The following RGS7 variants were observed in gnomAD, a reference collection of about 807,000 sequenced individuals.
RGS7 encodes the protein regulator of G-protein signaling 7.
Under a neutral mutation model 81.1 loss-of-function variants are expected in RGS7, and 27 were observed. The ratio of observed to expected loss-of-function variants is 0.33; its 90% CI spans 0.25 to 0.46. The LOEUF (loss-of-function observed/expected upper bound fraction) is 0.46, where lower values mean the gene tolerates loss of function less well. Ranked by LOEUF, RGS7 falls within the 20% of genes least tolerant of loss-of-function variation. The pLI is 1.00. For synonymous variants in RGS7, 208 were observed against 207.7 expected (o/e 1.00, Z -0.01); for missense variants, 396 against 607.4 (o/e 0.65, Z 3.66).
intron 2 of RGS7, among the ~76,000 whole-genome samples, chr1:241,303,421 G>A (rs981239426): frequency 2.0e-5 from 3 of 152,152 alleles, no homozygotes; most frequent in Non-Finnish European, 2.9e-5. Flanking sequence ...GCAGAACTGT[G>A]AGTCAATTAA....
chr1:240,996,030 T>C (rs978239900), intron 3 of RGS7, among the ~76,000 whole-genome samples: 1 of 151,808 alleles, frequency 6.6e-6, no homozygotes, highest in Non-Finnish European at 1.5e-5. Context: ...TTTTTTTTTA[T>C]TTTCCAGAAG....
chr1:240,809,714 C>T (rs1689511606), intron 14 of RGS7, among the ~76,000 whole-genome samples: 1 of 152,058 alleles, frequency 6.6e-6, no homozygotes, highest in Non-Finnish European at 1.5e-5. Flanking sequence ...TAACAGCATA[C>T]TTATAAAAGT....
chr1:241,047,650 A>G (rs555881063), intron 3 of RGS7, among the ~76,000 whole-genome samples: 1 of 152,170 alleles, frequency 6.6e-6, no homozygotes, highest in Non-Finnish European at 1.5e-5. Flanking sequence ...CCTATCAGCA[A>G]GTAAACACGA....
At chr1:241,339,308 T>C (rs976989540) in intron 2 of RGS7, among the ~76,000 whole-genome samples, 1 of 152,230 alleles carries the variant, frequency 6.6e-6, no homozygotes, top group Non-Finnish European at 1.5e-5. Context: ...TTTGGGTTGA[T>C]TCCATGTCTT....
intron 6 of RGS7, among the ~76,000 whole-genome samples, chr1:240,904,419 CTT>C (rs1670506737): frequency 6.6e-6 from 1 of 152,076 alleles, no homozygotes; most frequent in Non-Finnish European, 1.5e-5. Flanking sequence ...ATAAAATTAA[CTT>C]ATTTTCTTAT....
intron 10 of RGS7, among the ~76,000 whole-genome samples, chr1:240,820,707 G>A (rs1375941769): frequency 6.6e-6 from 1 of 152,162 alleles, no homozygotes; most frequent in African/African-American, 2.4e-5. Flanking sequence ...TTGAAGCACA[G>A]AGTGAGCTCG....
intron 3 of RGS7, among the ~76,000 whole-genome samples, chr1:240,994,399 T>C (rs1686961598): frequency 6.6e-6 from 1 of 152,206 alleles, no homozygotes; most frequent in African/African-American, 2.4e-5. Context: ...CAAACTTTAT[T>C]TGATTAACAC....
At chr1:240,976,934 C>T (rs904376847) in intron 4 of RGS7, among the ~76,000 whole-genome samples, 95 of 151,600 alleles carry the variant, frequency 6.3e-4, no homozygotes, top group Middle Eastern at 6.9e-3. Context: ...CATCTATCAT[C>T]TATCTATCTA....
intron 2 of RGS7, among the ~76,000 whole-genome samples, chr1:241,207,813 A>G (rs72760504): frequency 0.11 from 16,135 of 152,248 alleles, 1,049 homozygotes; most frequent in East Asian, 0.24. Context: ...CTGCCACTAG[A>G]AAAAGAAAAG....
At chr1:241,267,437 G>A (rs539116623) in intron 2 of RGS7, among the ~76,000 whole-genome samples, 6 of 152,158 alleles carry the variant, frequency 3.9e-5, no homozygotes, top group African/African-American at 1.4e-4. Flanking sequence ...TTTTCTCTTC[G>A]ATGTTCTAAA....
intron 6 of RGS7, among the ~76,000 whole-genome samples, chr1:240,896,255 T>G (rs1421638889): frequency 6.6e-6 from 1 of 152,236 alleles, no homozygotes; most frequent in Non-Finnish European, 1.5e-5. Flanking sequence ...CTGATGGTAG[T>G]TTCTTTTGCT....
intron 9 of RGS7, among the ~76,000 whole-genome samples, chr1:240,828,412 C>T (rs1411237141): frequency 6.6e-6 from 1 of 152,148 alleles, no homozygotes; most frequent in African/African-American, 2.4e-5. Context: ...ATCACACATC[C>T]TTTAGAAGTG....
At chr1:240,965,991 C>T (rs769593441) in intron 4 of RGS7, among the ~76,000 whole-genome samples, 5 of 152,084 alleles carry the variant, frequency 3.3e-5, no homozygotes, top group Non-Finnish European at 7.4e-5. Context: ...GGAGGAGGTG[C>T]TCTCTGTGCT....
chr1:240,882,998 T>C (rs892378622), intron 6 of RGS7, among the ~76,000 whole-genome samples: 2 of 152,170 alleles, frequency 1.3e-5, no homozygotes, highest in Admixed American at 6.5e-5. Context: ...GGTGTTTGGT[T>C]TTTTGTCCTT....
At chr1:241,130,732 T>C (rs6429241) in intron 2 of RGS7, among the ~76,000 whole-genome samples, 88,866 of 151,842 alleles carry the variant, frequency 0.59, 29,103 homozygotes, top group African/African-American at 0.9. Context: ...TTACAGGTCA[T>C]TTAACTTCCC....
At chr1:240,929,585 G>A (rs992195686) in intron 6 of RGS7, among the ~76,000 whole-genome samples, 1 of 152,046 alleles carries the variant, frequency 6.6e-6, no homozygotes, top group South Asian at 2.1e-4. Context: ...ATGAGAGATA[G>A]CTTTATTGAT....
chr1:241,133,109 A>G (rs2067238493), intron 2 of RGS7, among the ~76,000 whole-genome samples: 1 of 152,216 alleles, frequency 6.6e-6, no homozygotes, highest in South Asian at 2.1e-4. Context: ...AAAAGTTGTG[A>G]AAAATTGTGA....
chr1:240,975,152 C>T lies in RGS7; in HGVS notation c.226+7927G>A, dbSNP rs145773549. Among the ~76,000 whole-genome samples the T allele has an allele frequency of 3.6e-3, 543 of 152,204 alleles. 9 individuals carry two copies. The East Asian group carries it at 0.052, about 15-fold the overall frequency. Reference sequence around the variant, plus strand: ...GGTGCGGTGGCTCACACCTGTAATCCCAGCATTTTGGGAGGCCGAGGCAGG... The same window carrying T: ...GGTGCGGTGGCTCACACCTGTAATCTCAGCATTTTGGGAGGCCGAGGCAGG... On this transcript the variant is annotated intron_variant, in intron 4 of 18. Coordinates refer to ENST00000440928, the MANE Select transcript of RGS7 (RefSeq NM_001364886.1).
intron 18 of RGS7, among the ~76,000 whole-genome samples, chr1:240,795,784 A>G (rs1686952270): frequency 6.6e-6 from 1 of 152,220 alleles, no homozygotes; most frequent in Admixed American, 6.5e-5. Context: ...ATTTTAAGTG[A>G]ATAAAGAATG....
Sources: allele counts gnomAD v4.1 joint callset (sites outside exome capture counted in the v4.1 genomes callset), GRCh38; gene constraint gnomAD v4.1.1; transcripts MANE v1.5; gene names NCBI Gene and HGNC (gene_info 2026-07-23, HGNC 2026-07-21).